TMEM176B: variants seen among roughly 807,000 people sequenced by gnomAD.
TMEM176B encodes the protein LR8-like protein.
In TMEM176B, 28 loss-of-function variants were observed where a neutral mutation model predicts 30.3. That is an observed-to-expected ratio of 0.92 (90% CI 0.68 to 1.27). The LOEUF is 1.27. Ranked by LOEUF, TMEM176B falls within the 50% of genes most tolerant of loss-of-function variation. The pLI, the probability that TMEM176B is intolerant of heterozygous loss-of-function variation, is 0.00. For synonymous variants in TMEM176B, 123 were observed against 130.3 expected (o/e 0.94, Z 0.38); for missense variants, 349 against 327.4 (o/e 1.07, Z -0.51).
intron 1 of TMEM176B, among the ~76,000 whole-genome samples, chr7:150,797,460 G>C (rs1180138994): frequency 1.3e-5 from 2 of 152,220 alleles, no homozygotes; most frequent in Non-Finnish European, 2.9e-5. Flanking sequence ...GGGAGGTAAA[G>C]GAAGACAAAG....
intron 1 of TMEM176B, among the ~76,000 whole-genome samples, chr7:150,797,980 C>T (rs1798590854): frequency 6.6e-6 from 1 of 152,152 alleles, no homozygotes; most frequent in South Asian, 2.1e-4. Context: ...ATGCAGGAGG[C>T]AAACTCTTTT....
At chr7:150,794,358 C>G (rs924188992) in intron 2 of TMEM176B, among the ~76,000 whole-genome samples, 4 of 151,996 alleles carry the variant, frequency 2.6e-5, no homozygotes, top group Non-Finnish European at 4.4e-5. Flanking sequence ...CTTTTCCCCC[C>G]CCATTCTCCT....
chr7:150,792,665 C>A (rs1368525365), intron 5 of TMEM176B, among the ~76,000 whole-genome samples: 1 of 152,220 alleles, frequency 6.6e-6, no homozygotes, highest in African/African-American at 2.4e-5. Context: ...ACTTGGATAA[C>A]TTCACCCCCA....
rs772272344 is a variant in TMEM176B, at chr7:150,793,317, T to A, written c.373-2A>T. On this transcript the variant is annotated splice_acceptor_variant, in intron 4 of 6. Coordinates refer to ENST00000326442, the MANE Select transcript of TMEM176B (RefSeq NM_001101312.2). LOFTEE classifies it high-confidence loss of function. The stretch of plus-strand genomic sequence containing the variant: ...GGTGAGCAGGCTGGATATATAGCCC[T>A]GGAAGAGAAAGAGGGTCATGACACA... 2 of 1,613,458 alleles carry A rather than the reference T, an allele frequency of 1.2e-6. No homozygotes were observed. Among genetic ancestry groups the A allele is most frequent in the Admixed American group, 3.3e-5 (2 of 59,930 alleles).
upstream of TMEM176B, chr7:150,800,714 A>G: frequency 6.6e-6 from 1 of 151,784 alleles, no homozygotes; most frequent in South Asian, 2.1e-4. Flanking sequence ...CGAGGGGCTG[A>G]AGTTCAGCCC....
At chr7:150,792,746 C>G (rs971571166) in intron 5 of TMEM176B, among the ~76,000 whole-genome samples, 1 of 152,096 alleles carries the variant, frequency 6.6e-6, no homozygotes, top group Non-Finnish European at 1.5e-5. Context: ...CTCACAGCAC[C>G]GTGAGAAATA....
intron 1 of TMEM176B, among the ~76,000 whole-genome samples, chr7:150,796,994 T>C (rs1798555475): frequency 6.6e-6 from 1 of 151,900 alleles, no homozygotes; most frequent in African/African-American, 2.4e-5. Context: ...CAAAAAACAG[T>C]GTCTTTGTCA....
chr7:150,798,189 C>T (rs1798599238), intron 1 of TMEM176B, among the ~76,000 whole-genome samples: 1 of 152,204 alleles, frequency 6.6e-6, no homozygotes, highest in African/African-American at 2.4e-5. Flanking sequence ...TACCCCCAAC[C>T]ACTGGCCATG....
In TMEM176B at chr7:150,796,410, C is replaced by T; in HGVS notation, c.160G>A (p.Val54Met). 1 of 1,614,210 alleles carries T rather than the reference C, an allele frequency of 6.2e-7. No individual in the cohort carries two copies. Among genetic ancestry groups the T allele is most frequent in the Non-Finnish European group, 8.5e-7 (1 of 1,180,044 alleles). The part of the protein sequence containing the change: ...KKFLFHPGDT[V>M]PSTARIGYEQ... Reference sequence around the variant, plus strand: ...TAACCAATCCTGGCTGTGGAAGGCACAGTGTCCCCAGGGTGAAAAAGAAAC... The same window carrying T: ...TAACCAATCCTGGCTGTGGAAGGCATAGTGTCCCCAGGGTGAAAAAGAAAC... Residue 54 changes from valine (V) to methionine (M), a missense_variant, in exon 2 of 7, where the codon GTG becomes ATG. Coordinates refer to ENST00000326442, the MANE Select transcript of TMEM176B (RefSeq NM_001101312.2).
At chr7:150,798,600 T>TG (rs1308712399) in intron 1 of TMEM176B, among the ~76,000 whole-genome samples, 1 of 147,320 alleles carries the variant, frequency 6.8e-6, no homozygotes, top group African/African-American at 2.5e-5. Context: ...GAGAGAGAGA[T>TG]GGGGTGTTGC....
In TMEM176B at chr7:150,791,371, G is replaced by C. The variant is rs1798294537; in HGVS notation, c.*160C>G. The C allele has an allele frequency of 1.7e-6, 1 of 573,662 alleles. No individual in the cohort carries two copies. The highest frequency in any genetic ancestry group is 3.1e-6 in the Non-Finnish European group (1 of 322,150). 35.5% of individuals were successfully genotyped at this position (573,662 alleles called of 1,614,324 possible). On this transcript the variant is annotated 3_prime_UTR_variant, in exon 7 of 7. Transcript: ENST00000326442. ...TGCAACAATATCTGTTCATGGACTT[G>C]AGAACCCCAGAGTGGGAACAGCAGG...
Position 150,791,340 on chromosome 7 carries a change from G to A in TMEM176B, c.*191C>T, listed in dbSNP as rs1798293767. On this transcript the variant is annotated 3_prime_UTR_variant, in exon 7 of 7. Transcript: ENST00000326442. ...GTTTATTATGTTTAATCAGCATTGTGGAAAATGCAACAATATCTGTTCATG... is the reference window on the plus strand; with the variant it reads ...GTTTATTATGTTTAATCAGCATTGTAGAAAATGCAACAATATCTGTTCATG... The A allele has an allele frequency of 3.8e-6, 2 of 528,930 alleles. No individual in the cohort carries two copies. The highest frequency in any genetic ancestry group is 5.0e-4 in the Middle Eastern group (1 of 2,008). 32.8% of individuals were successfully genotyped at this position (528,930 alleles called of 1,614,324 possible). A position where few individuals can be genotyped will look rare whatever the true frequency, so the allele number is the denominator to read the frequency against.
chr7:150,800,615 C>A (rs1396783140), upstream of TMEM176B: 8 of 152,630 alleles, frequency 5.2e-5, no homozygotes, highest in Non-Finnish European at 1.0e-4. Context: ...CGTCCGCCCG[C>A]GGACCCTCCC....
At chr7:150,796,714 T>A in intron 1 of TMEM176B, 140 bp from the exon 2 acceptor site, 1 of 828,028 alleles carries the variant, frequency 1.2e-6, no homozygotes, top group Non-Finnish European at 1.9e-6. Flanking sequence ...ATCCCAGTGC[T>A]TTGGGAGGCT....
rs146125387 is a variant in TMEM176B at position 150,796,403 on chromosome 7, G to T, written c.167C>A (p.Ser56Tyr). ...FLFHPGDTVP[S>Y]TARIGYEQLA... ...CTGCTCATAACCAATCCTGGCTGTG[G>T]AAGGCACAGTGTCCCCAGGGTGAAA... is the stretch of plus-strand genomic sequence containing the variant. Residue 56 changes from serine to tyrosine, a missense_variant, in exon 2 of 7, where the codon TCC becomes TAC. Ser to Tyr is a moderately radical substitution (Grantham distance 144). Transcript: ENST00000326442. 16 of 1,614,202 alleles carry T rather than the reference G, an allele frequency of 9.9e-6. No individual in the cohort carries two copies. Among genetic ancestry groups the T allele is most frequent in the Non-Finnish European group, 1.4e-5 (16 of 1,180,036 alleles).
chr7:150,798,576 G>T (rs1798620543), intron 1 of TMEM176B, among the ~76,000 whole-genome samples: 1 of 147,122 alleles, frequency 6.8e-6, no homozygotes, highest in Non-Finnish European at 1.5e-5. Context: ...CGCCCGGCCA[G>T]TTCTCTTTTT....
chr7:150,792,913 T>C (rs1003477111), intron 5 of TMEM176B, among the ~76,000 whole-genome samples, 175 bp downstream of exon 5: 2 of 152,196 alleles, frequency 1.3e-5, no homozygotes, highest in African/African-American at 2.4e-5. Context: ...ATTCAGAGAA[T>C]CTTCGTGTCA....
chr7:150,800,592 G>T (rs772388308), upstream of TMEM176B: 76 of 152,550 alleles, frequency 5.0e-4, no homozygotes, highest in Non-Finnish European at 7.0e-4. Context: ...GACCCCACGG[G>T]CTTTCCCAGG....
At chr7:150,796,635 G>C in intron 1 of TMEM176B, 61 bp from the exon 2 acceptor site, 1 of 1,509,758 alleles carries the variant, frequency 6.6e-7, no homozygotes, top group South Asian at 1.1e-5. Context: ...AAAATACACA[G>C]CACAGGTGAA....
Sources: gnomAD v4.1 joint callset for allele counts (sites outside exome capture counted in the v4.1 genomes callset) on GRCh38, gnomAD v4.1.1 for gene constraint, MANE v1.5 for transcripts, NCBI Gene and HGNC (gene_info 2026-07-23, HGNC 2026-07-21) for gene names.